CYP19A1: variants seen among roughly 807,000 people sequenced by gnomAD.
The protein encoded by CYP19A1 is aromatase.
A neutral mutation model predicts 44.4 loss-of-function variants in CYP19A1; 32 were observed. The ratio of observed to expected loss-of-function variants is 0.72; its 90% CI spans 0.54 to 0.97. The LOEUF is 0.97. Ranked by LOEUF, CYP19A1 falls within the 50% of genes least tolerant of loss-of-function variation. The probability of loss-of-function intolerance (pLI) is 0.00; values close to 1 mark genes in which losing one functional copy is unlikely to be tolerated. For synonymous variants in CYP19A1, 212 were observed against 215.6 expected (o/e 0.98, Z 0.14); for missense variants, 598 against 637.8 (o/e 0.94, Z 0.67).
chr15:51,252,146 A>C (rs1684018479), intron 1 of CYP19A1, among the ~76,000 whole-genome samples: 1 of 152,164 alleles, frequency 6.6e-6, no homozygotes, highest in African/African-American at 2.4e-5. Context: ...GCTGGGGTGC[A>C]TGTGGCCCAC....
intron 4 of CYP19A1, among the ~76,000 whole-genome samples, chr15:51,226,074 G>T (rs1326449547): frequency 1.7e-5 from 2 of 117,594 alleles, no homozygotes; most frequent in Non-Finnish European, 3.3e-5. Context: ...GGGTGACAGA[G>T]CAAGACTCTG....
intron 1 of CYP19A1, among the ~76,000 whole-genome samples, chr15:51,338,243 G>A (rs1031253779): frequency 1.3e-5 from 2 of 152,146 alleles, no homozygotes; most frequent in Non-Finnish European, 2.9e-5. Context: ...CAGTTCTGTG[G>A]CATAGAACAG....
chr15:51,297,346 C>G (rs1038815691), intron 1 of CYP19A1, among the ~76,000 whole-genome samples: 3 of 152,210 alleles, frequency 2.0e-5, no homozygotes, highest in Non-Finnish European at 4.4e-5. Flanking sequence ...AGATGAGCCT[C>G]AAGCCAAACG....
chr15:51,259,019 G>A (rs946658050), intron 1 of CYP19A1, among the ~76,000 whole-genome samples: 2 of 152,110 alleles, frequency 1.3e-5, no homozygotes, highest in Non-Finnish European at 2.9e-5. Flanking sequence ...ACAAACTGTG[G>A]CAGTTTAGGC....
intron 2 of CYP19A1, among the ~76,000 whole-genome samples, chr15:51,239,708 T>C (rs1263661150): frequency 6.7e-6 from 1 of 149,636 alleles, no homozygotes; most frequent in Non-Finnish European, 1.5e-5. Flanking sequence ...AGAGAGAGAG[T>C]GATTACAAAG....
At chr15:51,287,132 A>C (rs1406835034) in intron 1 of CYP19A1, among the ~76,000 whole-genome samples, 1 of 152,202 alleles carries the variant, frequency 6.6e-6, no homozygotes, top group Non-Finnish European at 1.5e-5. Flanking sequence ...AAGATCTAAA[A>C]ATCTAATCTA....
At chr15:51,323,495 CT>C (rs78648888) in intron 1 of CYP19A1, among the ~76,000 whole-genome samples, 10,639 of 143,060 alleles carry the variant, frequency 0.074, 626 homozygotes, top group African/African-American at 0.17. Context: ...TGTGTCTCTA[CT>C]TTTTTTTTTT....
chr15:51,333,052 G>A lies in CYP19A1; in HGVS notation c.-39+5443C>T, dbSNP rs192748773. ...TTTCTTTCCTTCAGCTACTGAATTT[G>A]TCTGCAGATCTTGTCATTTGGTTCC... On this transcript the variant is annotated intron_variant, in intron 1 of 9. Coordinates refer to ENST00000396402, the MANE Select transcript of CYP19A1 (RefSeq NM_000103.4). Among the ~76,000 whole-genome samples, 8 of 152,186 alleles carry A rather than the reference G, an allele frequency of 5.3e-5. 1 individual carries two copies. In the East Asian group the frequency reaches 1.5e-3, roughly 29 times the overall value.
chr15:51,252,023 C>T (rs2034331346), intron 1 of CYP19A1, among the ~76,000 whole-genome samples: 1 of 152,192 alleles, frequency 6.6e-6, no homozygotes, highest in South Asian at 2.1e-4. Context: ...CCCAGCCCTT[C>T]CCTGTGCCTT....
At chr15:51,213,908 G>GCA (rs2031292521) in intron 8 of CYP19A1, among the ~76,000 whole-genome samples, 1 of 152,102 alleles carries the variant, frequency 6.6e-6, no homozygotes, top group African/African-American at 2.4e-5. Context: ...CTGAGAACCT[G>GCA]CTAGGAGGCA....
At chr15:51,268,519 TC>T (rs34270729) in intron 1 of CYP19A1, among the ~76,000 whole-genome samples, 3,073 of 138,836 alleles carry the variant, frequency 0.022, 84 homozygotes, top group East Asian at 0.097. Context: ...ATCGTTTCCT[TC>T]CCCCCCCCCC....
intron 1 of CYP19A1, among the ~76,000 whole-genome samples, chr15:51,271,630 C>A (rs1202049423): frequency 6.6e-6 from 1 of 152,188 alleles, no homozygotes; most frequent in East Asian, 1.9e-4. Flanking sequence ...GGGATCCCAC[C>A]ATCCTTTTGG....
chr15:51,290,372 A>G (rs558277189), intron 1 of CYP19A1, among the ~76,000 whole-genome samples: 2 of 152,334 alleles, frequency 1.3e-5, no homozygotes, highest in African/African-American at 4.8e-5. Context: ...TTAAAGTGGA[A>G]AAAGAATGCC....
intron 1 of CYP19A1, among the ~76,000 whole-genome samples, chr15:51,301,705 CTGGTTGCTT>C (rs754653431): frequency 9.2e-5 from 14 of 152,158 alleles, no homozygotes; most frequent in Non-Finnish European, 2.1e-4. Context: ...TCAAATATCA[CTGGTTGCTT>C]TGTCTTTGCA....
chr15:51,215,670 G>A (rs1213998668), intron 7 of CYP19A1, 33 bp downstream of exon 7: 2 of 1,613,352 alleles, frequency 1.2e-6, no homozygotes, highest in Non-Finnish European at 1.7e-6. Flanking sequence ...TAACATATGT[G>A]GCATGGGAAT....
chr15:51,267,521 G>A (rs1197625523), intron 1 of CYP19A1, among the ~76,000 whole-genome samples: 2 of 152,192 alleles, frequency 1.3e-5, no homozygotes, highest in African/African-American at 4.8e-5. Flanking sequence ...GCTGTACGCC[G>A]AGGTCTGCGC....
At position 51,265,864 on chromosome 15, in the gene CYP19A1, T is replaced by C. The variant is rs376998995; in HGVS notation, c.-38-22914A>G. 9.8e-5 allele frequency among the ~76,000 whole-genome samples: 15 copies of C among 152,300 alleles called. No individual in the cohort carries two copies. The East Asian group carries it at 2.3e-3, about 24-fold the overall frequency. Reference sequence around the variant, plus strand: ...ACAGTTTATTATACTCTGGTCGTTATCTGCCTGCCCTTTTTAGCTGTTTGA... The same window carrying C: ...ACAGTTTATTATACTCTGGTCGTTACCTGCCTGCCCTTTTTAGCTGTTTGA... On this transcript the variant is annotated intron_variant, in intron 1 of 9. Coordinates refer to ENST00000396402, the MANE Select transcript of CYP19A1 (RefSeq NM_000103.4).
intron 4 of CYP19A1, among the ~76,000 whole-genome samples, chr15:51,227,079 T>G (rs4775935): frequency 0.66 from 99,802 of 151,974 alleles, 32,840 homozygotes; most frequent in South Asian, 0.75. Flanking sequence ...TAACTGAAAT[T>G]ACTCTAAATA....
At position 51,301,483 on chromosome 15, in the gene CYP19A1, G is replaced by A. The variant is rs1350039194; in HGVS notation, c.-39+37012C>T. 2.6e-5 allele frequency among the ~76,000 whole-genome samples: 4 copies of A among 152,334 alleles called. No homozygotes were observed. In the East Asian group the frequency reaches 7.7e-4, roughly 29 times the overall value. On this transcript the variant is annotated intron_variant, in intron 1 of 9. Transcript: ENST00000396402. ...CCAAGGCAAGTACATAAAAAGTGAA[G>A]TAGAAAATGAATGCTTTTCCCCTCC...
Sources: allele counts gnomAD v4.1 joint callset (sites outside exome capture counted in the v4.1 genomes callset), GRCh38; gene constraint gnomAD v4.1.1; transcripts MANE v1.5; gene names NCBI Gene and HGNC (gene_info 2026-07-23, HGNC 2026-07-21).